CHODL: variants seen among roughly 807,000 people sequenced by gnomAD.
CHODL encodes the protein transmembrane protein MT75.
In CHODL, 29 loss-of-function variants were observed where a neutral mutation model predicts 34.5. The ratio of observed to expected loss-of-function variants is 0.84; its 90% CI spans 0.63 to 1.15. The LOEUF (loss-of-function observed/expected upper bound fraction) is 1.15, where lower values mean the gene tolerates loss of function less well. CHODL is among the 50% of genes most tolerant of loss of function. The pLI is 0.00. For missense variants in CHODL, 332 were observed against 332.5 expected (o/e 1.00, Z 0.01); for synonymous variants, 125 against 116.1 (o/e 1.08, Z -0.49).
intron 2 of CHODL, among the ~76,000 whole-genome samples, chr21:18,059,659 C>T (rs563466283): frequency 1.2e-3 from 179 of 152,224 alleles, no homozygotes; most frequent in Middle Eastern, 6.8e-3. Flanking sequence ...CCAGCACCCC[C>T]AATAGGGCCC....
chr21:18,093,638 T>C (rs2065101465), intron 2 of CHODL, among the ~76,000 whole-genome samples: 1 of 152,218 alleles, frequency 6.6e-6, no homozygotes, highest in Admixed American at 6.5e-5. Flanking sequence ...TGTTTGTTTA[T>C]GCAATCAGTG....
chr21:18,081,491 G>T (rs566028447), intron 2 of CHODL, among the ~76,000 whole-genome samples: 1 of 152,066 alleles, frequency 6.6e-6, no homozygotes, highest in East Asian at 1.9e-4. Context: ...GACCAGCCTG[G>T]CCAACATGGT....
At chr21:18,265,281 A>G (rs867070884) in intron 5 of CHODL, among the ~76,000 whole-genome samples, 23 of 125,902 alleles carry the variant, frequency 1.8e-4, no homozygotes, top group East Asian at 6.0e-4. Context: ...ATGTGTGTGT[A>G]TATATATACA....
intron 1 of CHODL, among the ~76,000 whole-genome samples, chr21:18,005,525 C>T (rs989771925): frequency 6.6e-6 from 1 of 152,166 alleles, no homozygotes; most frequent in African/African-American, 2.4e-5. Context: ...TTATAACCCA[C>T]AGATCTAAAA....
intron 2 of CHODL, among the ~76,000 whole-genome samples, chr21:18,166,267 G>C (rs189459396): frequency 6.6e-6 from 1 of 152,092 alleles, no homozygotes; most frequent in Non-Finnish European, 1.5e-5. Context: ...ACCCTCTTAC[G>C]CTTCAAATGT....
At chr21:18,009,545 T>G (rs928470057) in intron 1 of CHODL, among the ~76,000 whole-genome samples, 1 of 152,070 alleles carries the variant, frequency 6.6e-6, no homozygotes, top group African/African-American at 2.4e-5. Context: ...AATCTATAAT[T>G]TAAGACTCCA....
chr21:17,936,411 G>A (rs1296788050), intron 1 of CHODL, among the ~76,000 whole-genome samples: 2 of 151,598 alleles, frequency 1.3e-5, no homozygotes, highest in African/African-American at 4.8e-5. Flanking sequence ...TAATAGGTGG[G>A]AGAGAGACCC....
intron 2 of CHODL, among the ~76,000 whole-genome samples, chr21:18,190,328 T>C (rs1452908677): frequency 6.6e-6 from 1 of 152,182 alleles, no homozygotes; most frequent in East Asian, 1.9e-4. Flanking sequence ...TATAGGTAGA[T>C]TTTTTGTTGT....
At chr21:18,061,392 T>G (rs753593645) in intron 2 of CHODL, among the ~76,000 whole-genome samples, 3 of 152,102 alleles carry the variant, frequency 2.0e-5, no homozygotes, top group Non-Finnish European at 4.4e-5. Flanking sequence ...ATATTATGTC[T>G]CATAGGAAAA....
chr21:18,175,035 T>C (rs2073289083), intron 2 of CHODL, among the ~76,000 whole-genome samples: 1 of 152,224 alleles, frequency 6.6e-6, no homozygotes, highest in African/African-American at 2.4e-5. Context: ...TGATATCCCA[T>C]ACATTTGTAG....
At chr21:17,990,407 G>C (rs2063787766) in intron 1 of CHODL, among the ~76,000 whole-genome samples, 1 of 151,996 alleles carries the variant, frequency 6.6e-6, no homozygotes, top group Non-Finnish European at 1.5e-5. Context: ...TGTCAATTCT[G>C]CCATATAAAT....
intron 2 of CHODL, among the ~76,000 whole-genome samples, chr21:18,124,224 G>A (rs1470900090): frequency 6.6e-6 from 1 of 152,122 alleles, no homozygotes. Flanking sequence ...AATATCGTAA[G>A]TCCAGTTTCA....
chr21:18,231,196 G>A (rs1380938101), intron 2 of CHODL, among the ~76,000 whole-genome samples: 2 of 152,214 alleles, frequency 1.3e-5, no homozygotes, highest in Admixed American at 6.5e-5. Context: ...ACAAAGTAGC[G>A]GTATTCCAAT....
intron 2 of CHODL, among the ~76,000 whole-genome samples, chr21:18,182,351 A>T (rs1209281184): frequency 6.6e-6 from 1 of 152,226 alleles, no homozygotes; most frequent in Admixed American, 6.5e-5. Context: ...AGCTGGCTCT[A>T]AGGCCTGTGC....
At chr21:18,258,185 C>CT (rs111256584) in intron 3 of CHODL, among the ~76,000 whole-genome samples, 4,920 of 151,172 alleles carry the variant, frequency 0.033, 249 homozygotes, top group African/African-American at 0.11. Flanking sequence ...TATTAGCCAC[C>CT]TTTTTTTTTA....
At position 18,019,428 on chromosome 21, in the gene CHODL, T is replaced by A. The variant is rs551815284; in HGVS notation, c.-144-8444T>A. Among the ~76,000 whole-genome samples, 180 of 133,630 alleles carry A rather than the reference T, an allele frequency of 1.3e-3. 8 individuals carry two copies. The South Asian group carries it at 0.041, about 30-fold the overall frequency. 87.7% of individuals were successfully genotyped at this position (133,630 alleles called of 152,430 possible). A position where few individuals can be genotyped will look rare whatever the true frequency, so the allele number is the denominator to read the frequency against. On this transcript the variant is annotated intron_variant, in intron 1 of 6. Transcript: ENST00000400127. ...TGATAGCACAATAGAGAGATAATAT[T>A]AAAAATAATTTATTTGTACATTTTA...
chr21:17,940,676 A>C (rs559427667), intron 1 of CHODL, among the ~76,000 whole-genome samples: 1 of 152,338 alleles, frequency 6.6e-6, no homozygotes, highest in Non-Finnish European at 1.5e-5. Context: ...AACGTTTCTT[A>C]TATGCACAAA....
intron 1 of CHODL, among the ~76,000 whole-genome samples, chr21:17,928,481 G>C (rs867086980): frequency 6.6e-6 from 1 of 152,160 alleles, no homozygotes; most frequent in Non-Finnish European, 1.5e-5. Context: ...GAGACAAAGC[G>C]GGGTGTCCTA....
chr21:17,948,601 G>A (rs1417128378), intron 1 of CHODL, among the ~76,000 whole-genome samples: 1 of 151,960 alleles, frequency 6.6e-6, no homozygotes, highest in Non-Finnish European at 1.5e-5. Context: ...AAATATAAAG[G>A]ATCATAGGAG....
Sources: allele counts gnomAD v4.1 joint callset (sites outside exome capture counted in the v4.1 genomes callset), GRCh38; gene constraint gnomAD v4.1.1; transcripts MANE v1.5; gene names NCBI Gene and HGNC (gene_info 2026-07-23, HGNC 2026-07-21).